NIBAN1: variants seen among roughly 807,000 people sequenced by gnomAD.
The protein encoded by NIBAN1 is protein Niban 1.
A neutral mutation model predicts 75.1 loss-of-function variants in NIBAN1; 81 were observed. That is an observed-to-expected ratio of 1.08 (90% CI 0.90 to 1.30). The LOEUF (loss-of-function observed/expected upper bound fraction) is 1.30, where lower values mean the gene tolerates loss of function less well. NIBAN1 is among the 50% of genes most tolerant of loss of function. NIBAN1 has a pLI of 0.00. For missense variants in NIBAN1, 1,133 were observed against 1,128.1 expected (o/e 1.00, Z -0.06); for synonymous variants, 436 against 424.8 (o/e 1.03, Z -0.32).
intron 1 of NIBAN1, among the ~76,000 whole-genome samples, chr1:184,963,811 C>T (rs1658710766): frequency 6.6e-6 from 1 of 152,148 alleles, no homozygotes; most frequent in Admixed American, 6.5e-5. Flanking sequence ...GACTCAATAT[C>T]ATACAGATGT....
intron 1 of NIBAN1, among the ~76,000 whole-genome samples, chr1:184,956,993 A>G (rs1658506957): frequency 6.6e-6 from 1 of 152,232 alleles, no homozygotes; most frequent in Non-Finnish European, 1.5e-5. Flanking sequence ...ACTGGTTAAC[A>G]TTGCCACCAG....
At chr1:184,936,862 C>T (rs150671554) in intron 1 of NIBAN1, among the ~76,000 whole-genome samples, 41 of 152,222 alleles carry the variant, frequency 2.7e-4, no homozygotes, top group African/African-American at 9.6e-4. Flanking sequence ...GGATTAGGAC[C>T]TGACATCTTT....
chr1:184,840,870 G>C (rs2102250413), intron 5 of NIBAN1, among the ~76,000 whole-genome samples: 2 of 152,008 alleles, frequency 1.3e-5, no homozygotes, highest in South Asian at 4.2e-4. Flanking sequence ...TGGGTGCTGG[G>C]TAAAGGGCTG....
chr1:184,875,575 C>T (rs1385710541), intron 5 of NIBAN1, among the ~76,000 whole-genome samples: 1 of 152,156 alleles, frequency 6.6e-6, no homozygotes, highest in Admixed American at 6.5e-5. Flanking sequence ...TTTTGGTGAC[C>T]TATTCTTGAA....
At chr1:184,818,382 T>C (rs2102215026) in intron 9 of NIBAN1, among the ~76,000 whole-genome samples, 1 of 152,310 alleles carries the variant, frequency 6.6e-6, no homozygotes. Context: ...AGTATGTTGC[T>C]TCACTTGTAC....
At chr1:184,952,368 T>A (rs1482705021) in intron 1 of NIBAN1, among the ~76,000 whole-genome samples, 1 of 151,508 alleles carries the variant, frequency 6.6e-6, no homozygotes, top group African/African-American at 2.4e-5. Context: ...ACCACTACAC[T>A]CCAGCCTGGG....
chr1:184,826,548 A>G (rs1654846511), intron 6 of NIBAN1, among the ~76,000 whole-genome samples: 1 of 152,216 alleles, frequency 6.6e-6, no homozygotes, highest in Non-Finnish European at 1.5e-5. Context: ...GCCAAGAGGA[A>G]GAGAGACCAA....
intron 4 of NIBAN1, among the ~76,000 whole-genome samples, chr1:184,888,997 T>C (rs1040069709): frequency 6.6e-6 from 1 of 152,222 alleles, no homozygotes; most frequent in Non-Finnish European, 1.5e-5. Flanking sequence ...GAAATAACAA[T>C]TGATAAAATG....
chr1:184,938,069 G>A (rs1658005763), intron 1 of NIBAN1, among the ~76,000 whole-genome samples: 1 of 152,196 alleles, frequency 6.6e-6, no homozygotes, highest in Admixed American at 6.5e-5. Flanking sequence ...TGGAGAGGTG[G>A]ACAGAATCTC....
chr1:184,867,670 G>A (rs1270534985), intron 5 of NIBAN1, among the ~76,000 whole-genome samples: 3 of 152,190 alleles, frequency 2.0e-5, no homozygotes, highest in Non-Finnish European at 1.5e-5. Flanking sequence ...GCAAAATGAT[G>A]TTCCTGATCT....
Position 184,845,842 on chromosome 1 carries a change from C to A in NIBAN1, c.602-13880G>T, listed in dbSNP as rs1466171996. Reference sequence around the variant, plus strand: ...GCAAGGGGTCAGGGAGTTCCCTTTCCGAGTCAAAGAAAGGGGTGACGGACG... The same window carrying A: ...GCAAGGGGTCAGGGAGTTCCCTTTCAGAGTCAAAGAAAGGGGTGACGGACG... On this transcript the variant is annotated intron_variant, in intron 5 of 13. Coordinates refer to ENST00000367511, the MANE Select transcript of NIBAN1 (RefSeq NM_052966.4). 2.4e-5 allele frequency among the ~76,000 whole-genome samples: 2 copies of A among 83,036 alleles called. 1 individual carries two copies. Among genetic ancestry groups the A allele is most frequent in the East Asian group, 5.2e-4 (2 of 3,878 alleles). The allele number at this position is 83,036 out of a possible 152,430, so 54.5% of individuals were successfully genotyped here. A position where few individuals can be genotyped will look rare whatever the true frequency, so the allele number is the denominator to read the frequency against.
chr1:184,907,749 A>AG (rs547287394), intron 1 of NIBAN1, among the ~76,000 whole-genome samples: 29 of 152,318 alleles, frequency 1.9e-4, no homozygotes, highest in South Asian at 6.2e-4. Flanking sequence ...AACTGAAGGG[A>AG]GTGTATGTGT....
intron 1 of NIBAN1, among the ~76,000 whole-genome samples, chr1:184,909,641 A>C (rs1657189795): frequency 6.6e-6 from 1 of 152,216 alleles, no homozygotes; most frequent in Non-Finnish European, 1.5e-5. Flanking sequence ...AATACTCACT[A>C]GTGAAAATTA....
intron 1 of NIBAN1, among the ~76,000 whole-genome samples, chr1:184,927,886 C>G (rs1455633115): frequency 1.3e-5 from 2 of 151,886 alleles, no homozygotes; most frequent in Non-Finnish European, 2.9e-5. Context: ...ATCTTTTACA[C>G]TCTTCCCTCT....
At chr1:184,962,657 G>A (rs1658679040) in intron 1 of NIBAN1, among the ~76,000 whole-genome samples, 1 of 152,132 alleles carries the variant, frequency 6.6e-6, no homozygotes, top group South Asian at 2.1e-4. Context: ...AGATGGCAAG[G>A]AAGCTATCAA....
Position 184,974,419 on chromosome 1 carries a change from G to C in NIBAN1, c.-63C>G. 2 of 1,512,582 alleles carry C rather than the reference G, an allele frequency of 1.3e-6. No homozygotes were observed. The highest frequency in any genetic ancestry group is 4.2e-5 in the Admixed American group (2 of 47,184). The allele number at this position is 1,512,582 out of a possible 1,614,324, so 93.7% of individuals were successfully genotyped here. A position where few individuals can be genotyped will look rare whatever the true frequency, so the allele number is the denominator to read the frequency against. Reference sequence around the variant, plus strand: ...GGTCCGCGCCCGCTGCTAGCTCCTGGAGGTTGATCCGACGGCGAACCCGGC... The same window carrying C: ...GGTCCGCGCCCGCTGCTAGCTCCTGCAGGTTGATCCGACGGCGAACCCGGC... On this transcript the variant is annotated 5_prime_UTR_variant, in exon 1 of 14. Coordinates refer to ENST00000367511, the MANE Select transcript of NIBAN1 (RefSeq NM_052966.4).
intron 12 of NIBAN1, 97 bp downstream of exon 12, chr1:184,803,488 G>T (rs1213715773): frequency 1.8e-5 from 16 of 884,318 alleles, no homozygotes; most frequent in Non-Finnish European, 2.9e-5. Context: ...ATCCCTCCCT[G>T]GTCTAGTCTG....
intron 1 of NIBAN1, among the ~76,000 whole-genome samples, chr1:184,919,824 C>T (rs1476193397): frequency 6.6e-6 from 1 of 150,950 alleles, no homozygotes; most frequent in Non-Finnish European, 1.5e-5. Context: ...GTCATTGGCT[C>T]TTTAATAATC....
At chr1:184,918,593 T>C (rs1571573208) in intron 1 of NIBAN1, among the ~76,000 whole-genome samples, 1 of 152,208 alleles carries the variant, frequency 6.6e-6, no homozygotes, top group South Asian at 2.1e-4. Context: ...TAGACCCAGA[T>C]AAATTCCTAT....
Sources: allele counts gnomAD v4.1 joint callset (sites outside exome capture counted in the v4.1 genomes callset), GRCh38; gene constraint gnomAD v4.1.1; transcripts MANE v1.5; gene names NCBI Gene and HGNC (gene_info 2026-07-23, HGNC 2026-07-21).